ALPL: variants seen among roughly 807,000 people sequenced by gnomAD.
ALPL encodes the protein alkaline phosphatase, biomineralization associated.
ALPL carries 42 observed loss-of-function variants against 51.3 expected under a neutral mutation model. That is an observed-to-expected ratio of 0.82 (90% CI 0.64 to 1.06). The LOEUF (loss-of-function observed/expected upper bound fraction) is 1.06. ALPL is among the 50% of genes least tolerant of loss of function. The probability of loss-of-function intolerance (pLI) is 0.00; values close to 1 mark genes in which losing one functional copy is unlikely to be tolerated. For synonymous variants in ALPL, 279 were observed against 296.4 expected, an observed-to-expected ratio of 0.94 and a Z score of 0.60; for missense variants, 589 against 709.4, an observed-to-expected ratio of 0.83 and a Z score of 1.93.
chr1:21,541,196 G>T (rs746141313), intron 1 of ALPL, among the ~76,000 whole-genome samples: 1 of 152,132 alleles, frequency 6.6e-6, no homozygotes, highest in Non-Finnish European at 1.5e-5. Context: ...TCTCTGCCCC[G>T]CAGTCCATCC....
intron 2 of ALPL, among the ~76,000 whole-genome samples, chr1:21,560,066 CAT>C (rs1644462974): frequency 1.3e-5 from 2 of 152,240 alleles, no homozygotes; most frequent in African/African-American, 4.8e-5. Context: ...TTAAATTTGA[CAT>C]ATTAAGCAAA....
intron 1 of ALPL, among the ~76,000 whole-genome samples, chr1:21,540,118 G>A (rs1644163426): frequency 6.6e-6 from 1 of 152,274 alleles, no homozygotes; most frequent in South Asian, 2.1e-4. Context: ...ACCGCTTTCT[G>A]TACTTGGCAT....
At chr1:21,518,448 A>C (rs1168760461) in intron 1 of ALPL, among the ~76,000 whole-genome samples, 1 of 152,158 alleles carries the variant, frequency 6.6e-6, no homozygotes, top group African/African-American at 2.4e-5. Context: ...CCCAGCTGGT[A>C]AGTGTCGGAG....
chr1:21,523,831 G>T (rs751926372), intron 1 of ALPL, among the ~76,000 whole-genome samples: 12 of 152,106 alleles, frequency 7.9e-5, no homozygotes, highest in Non-Finnish European at 1.6e-4. Flanking sequence ...GCTGGGATTT[G>T]GACCCAGGGC....
intron 4 of ALPL, among the ~76,000 whole-genome samples, chr1:21,562,562 A>T (rs1026974851): frequency 2.0e-5 from 3 of 151,960 alleles, no homozygotes; most frequent in African/African-American, 7.3e-5. Context: ...GGGAAGGGAG[A>T]CAGGCAAATA....
chr1:21,561,233 C>T, intron 4 of ALPL, 21 bp downstream of exon 4: 2 of 1,575,874 alleles, frequency 1.3e-6, no homozygotes, highest in Admixed American at 1.8e-5. Context: ...TCCCCAAGCC[C>T]AGTTCAGGTC....
chr1:21,532,357 A>AATTTTTGT (rs989869276), intron 1 of ALPL, among the ~76,000 whole-genome samples: 3 of 151,934 alleles, frequency 2.0e-5, no homozygotes, highest in Non-Finnish European at 4.4e-5. Context: ...ATGCCCTGCT[A>AATTTTTGT]ATTTTTGTAT....
At chr1:21,546,099 T>G (rs1284653730) in intron 1 of ALPL, among the ~76,000 whole-genome samples, 1 of 152,188 alleles carries the variant, frequency 6.6e-6, no homozygotes, top group African/African-American at 2.4e-5. Context: ...CAGGCAATTC[T>G]TTTAAATTTA....
At chr1:21,515,160 G>A (rs1442805222) in intron 1 of ALPL, among the ~76,000 whole-genome samples, 2 of 152,180 alleles carry the variant, frequency 1.3e-5, no homozygotes, top group African/African-American at 4.8e-5. Flanking sequence ...GCTGGGCAGA[G>A]CTCAGCAAAT....
intron 1 of ALPL, among the ~76,000 whole-genome samples, chr1:21,512,784 T>A (rs1421156764): frequency 6.6e-6 from 1 of 152,206 alleles, no homozygotes; most frequent in Non-Finnish European, 1.5e-5. Context: ...ATGCTTAAAG[T>A]TTTCCATGCT....
intron 9 of ALPL, 106 bp downstream of exon 9, chr1:21,573,905 G>A (rs1364793656): frequency 6.4e-7 from 1 of 1,562,372 alleles, no homozygotes; most frequent in Non-Finnish European, 8.7e-7. Context: ...GGGGGTGAAG[G>A]GAGAGGTCCC....
intron 1 of ALPL, among the ~76,000 whole-genome samples, chr1:21,516,894 T>C (rs913311238): frequency 2.0e-5 from 3 of 152,188 alleles, no homozygotes; most frequent in Admixed American, 2.0e-4. Context: ...AAGGTTTTTG[T>C]CCTGGAATTG....
rs1375160574 is a variant in ALPL at position 21,561,149 on chromosome 1, C to A, written c.234C>A (p.His78Gln). Reference protein sequence around the residue: ...TAARILKGQLHHNPGEETRLE... With the variant: ...TAARILKGQLQHNPGEETRLE... ...CCCGCATCCTCAAGGGTCAGCTCCACCACAACCCTGGGGAGGAGACCAGGC... is the reference window on the plus strand; with the variant it reads ...CCCGCATCCTCAAGGGTCAGCTCCAACACAACCCTGGGGAGGAGACCAGGC... The change falls in exon 4 of 12, where the codon CAC becomes CAA. Residue 78 changes from histidine to glutamine, a missense_variant. By Grantham distance (24) the His-to-Gln change is conservative. Coordinates refer to ENST00000374840, the MANE Select transcript of ALPL (RefSeq NM_000478.6). The A allele has an allele frequency of 4.3e-6, 7 of 1,613,540 alleles. No individual in the cohort carries two copies. Among genetic ancestry groups the A allele is most frequent in the Admixed American group, 3.3e-5 (2 of 59,950 alleles).
At position 21,554,012 on chromosome 1, in the gene ALPL, G is replaced by GGCCCCCCCCCCCCC; in HGVS notation, c.-70_-69insGCCCCCCCCCCCCC. 1.0e-6 allele frequency: 1 copy of GGCCCCCCCCCCCCC among 995,214 alleles called. No homozygotes were observed. Among genetic ancestry groups the GGCCCCCCCCCCCCC allele is most frequent in the Non-Finnish European group, 1.6e-6 (1 of 623,798 alleles). The allele number at this position is 995,214 out of a possible 1,614,324, so 61.6% of individuals were successfully genotyped here. Reference sequence around the variant, plus strand: ...ATCAGTTAACATCTGACCACTGCCAGCCCACCCCCTCCCACCCACGTCGAT... The same window carrying GGCCCCCCCCCCCCC: ...ATCAGTTAACATCTGACCACTGCCAGGCCCCCCCCCCCCCCCCACCCCCTCCCACCCACGTCGAT... On this transcript the variant is annotated 5_prime_UTR_variant, in exon 2 of 12. Coordinates refer to ENST00000374840, the MANE Select transcript of ALPL (RefSeq NM_000478.6).
At chr1:21,533,935 A>AAAGAAGAAGAAG (rs58697375) in intron 1 of ALPL, among the ~76,000 whole-genome samples, 13 of 100,484 alleles carry the variant, frequency 1.3e-4, no homozygotes, top group Non-Finnish European at 2.4e-4. Flanking sequence ...AAAAAAAAAA[A>AAAGAAGAAGAAG]AAGAAGAAGA....
chr1:21,536,312 G>A (rs372232351), intron 1 of ALPL, among the ~76,000 whole-genome samples: 11 of 152,288 alleles, frequency 7.2e-5, no homozygotes, highest in African/African-American at 2.6e-4. Context: ...TTTTTCCTCT[G>A]GCAGAAACAG....
rs1275911870 is a variant in ALPL at position 21,577,841 on chromosome 1, G to A, written c.*193G>A. On this transcript the variant is annotated 3_prime_UTR_variant, in exon 12 of 12. Transcript: ENST00000374840. ...TTCCCCAAGGGCCAAACCCACTTCT[G>A]GCCTCCAGCCTTTGCTCCCTCCCCG... 4.0e-6 allele frequency: 3 copies of A among 742,782 alleles called. No individual in the cohort carries two copies. The highest frequency in any genetic ancestry group is 3.5e-5 in the African/African-American group (2 of 56,404). The allele number at this position is 742,782 out of a possible 1,614,324, so 46.0% of individuals were successfully genotyped here.
intron 2 of ALPL, among the ~76,000 whole-genome samples, chr1:21,560,193 C>A (rs963284524): frequency 1.3e-5 from 2 of 152,212 alleles, no homozygotes; most frequent in Non-Finnish European, 2.9e-5. Context: ...ATCAGGGGAC[C>A]CCTTCTGCTG....
intron 7 of ALPL, among the ~76,000 whole-genome samples, chr1:21,569,605 C>G (rs1163983279): frequency 6.6e-6 from 1 of 152,142 alleles, no homozygotes; most frequent in Non-Finnish European, 1.5e-5. Context: ...TTCTGAGCCT[C>G]TCTGCCCTCC....
Sources: allele counts gnomAD v4.1 joint callset (sites outside exome capture counted in the v4.1 genomes callset), GRCh38; gene constraint gnomAD v4.1.1; transcripts MANE v1.5; gene names NCBI Gene and HGNC (gene_info 2026-07-23, HGNC 2026-07-21).